ANK3: variants seen among roughly 807,000 people sequenced by gnomAD.
ANK3 encodes the protein ankyrin 3.
Under a neutral mutation model 370.9 loss-of-function variants are expected in ANK3, and 57 were observed. The ratio of observed to expected loss-of-function variants is 0.15; its 90% CI spans 0.12 to 0.19. ANK3 has a LOEUF of 0.19. Ranked by LOEUF, ANK3 falls within the 10% of genes least tolerant of loss-of-function variation. The pLI, the probability that ANK3 is intolerant of heterozygous loss-of-function variation, is 1.00. For synonymous variants in ANK3, 1,929 were observed against 1,946.3 expected (o/e 0.99, Z 0.23); for missense variants, 4,439 against 5,302.1 (o/e 0.84, Z 5.06).
At chr10:60,221,666 A>C (rs1462131128) in intron 8 of ANK3, among the ~76,000 whole-genome samples, 7 of 152,220 alleles carry the variant, frequency 4.6e-5, no homozygotes, top group Admixed American at 4.6e-4. Flanking sequence ...CAAAGAAGTG[A>C]AATTACTCAT....
intron 2 of ANK3, among the ~76,000 whole-genome samples, chr10:60,452,440 G>A (rs1335089725): frequency 6.6e-6 from 1 of 152,316 alleles, no homozygotes; most frequent in Admixed American, 6.5e-5. Context: ...CTGAGAAACT[G>A]TGCCTGGCCA....
At chr10:60,042,570 T>C in intron 43 of ANK3, 102 bp downstream of exon 43, 1 of 1,171,234 alleles carries the variant, frequency 8.5e-7, no homozygotes. Context: ...TGAAATTCAG[T>C]GAAAAGGAAA....
At chr10:60,117,225 C>T (rs2093159245) in intron 25 of ANK3, among the ~76,000 whole-genome samples, 1 of 152,022 alleles carries the variant, frequency 6.6e-6, no homozygotes, top group South Asian at 2.1e-4. Context: ...AGGACTGACC[C>T]AAGAAAAGGG....
intron 2 of ANK3, among the ~76,000 whole-genome samples, chr10:60,419,774 G>A (rs914395774): frequency 2.0e-5 from 3 of 152,052 alleles, no homozygotes; most frequent in African/African-American, 4.8e-5. Flanking sequence ...TTCAGGTGAG[G>A]CCACACTTTC....
intron 5 of ANK3, among the ~76,000 whole-genome samples, chr10:60,269,428 G>A (rs1458088920): frequency 2.0e-5 from 3 of 151,944 alleles, no homozygotes; most frequent in Non-Finnish European, 2.9e-5. Flanking sequence ...GGTGGATCAC[G>A]CGGTCAGGAG....
chr10:60,555,646 A>G lies in ANK3; in HGVS notation c.96+59540T>C, dbSNP rs61855349. 4.9e-3 allele frequency among the ~76,000 whole-genome samples: 752 copies of G among 152,246 alleles called. 4 individuals carry two copies. Among genetic ancestry groups the G allele is most frequent in the Non-Finnish European group, 8.7e-3 (589 of 68,002 alleles). ...CTGAATAGGTCATTCTAAATCTTCAATATTGTAGCATATGTCATGACTAGA... is the reference window on the plus strand; with the variant it reads ...CTGAATAGGTCATTCTAAATCTTCAGTATTGTAGCATATGTCATGACTAGA... On this transcript the variant is annotated intron_variant, in intron 2 of 43. Transcript: ENST00000373827.
intron 2 of ANK3, among the ~76,000 whole-genome samples, chr10:60,423,122 G>A (rs2063811363): frequency 6.6e-6 from 1 of 151,866 alleles, no homozygotes; most frequent in Non-Finnish European, 1.5e-5. Context: ...GACCCATAAG[G>A]AAGTAGTTTT....
chr10:60,256,675 A>G (rs2097741633), intron 7 of ANK3, among the ~76,000 whole-genome samples: 1 of 152,172 alleles, frequency 6.6e-6, no homozygotes, highest in South Asian at 2.1e-4. Context: ...CTTTATGTCC[A>G]TGAGTACCCC....
chr10:60,631,564 T>C (rs2078484360), intron 1 of ANK3, among the ~76,000 whole-genome samples: 1 of 151,950 alleles, frequency 6.6e-6, no homozygotes, highest in Non-Finnish European at 1.5e-5. Context: ...AAATAAATAG[T>C]TATTACTATT....
At chr10:60,705,824 C>T (rs201640820) in intron 1 of ANK3, among the ~76,000 whole-genome samples, 68 of 94,456 alleles carry the variant, frequency 7.2e-4, no homozygotes, top group Middle Eastern at 6.2e-3. Context: ...TTTTTTCTTT[C>T]TTTTTTTTTT....
chr10:60,318,023 T>C (rs567547882), intron 1 of ANK3, among the ~76,000 whole-genome samples: 2 of 152,256 alleles, frequency 1.3e-5, no homozygotes, highest in South Asian at 4.1e-4. Flanking sequence ...AATACACAAA[T>C]GCTCCAAAGA....
At chr10:60,705,596 C>T (rs1185008491) in intron 1 of ANK3, among the ~76,000 whole-genome samples, 1 of 152,092 alleles carries the variant, frequency 6.6e-6, no homozygotes, top group Non-Finnish European at 1.5e-5. Context: ...CGTTTCCTTA[C>T]TTAAAACTTA....
At chr10:60,058,692 G>A (rs1341193697) in intron 41 of ANK3, among the ~76,000 whole-genome samples, 1 of 152,138 alleles carries the variant, frequency 6.6e-6, no homozygotes, top group African/African-American at 2.4e-5. Flanking sequence ...GCATATTTAT[G>A]TTTGCAGTTA....
chr10:60,624,796 G>A (rs2078386448), intron 1 of ANK3, among the ~76,000 whole-genome samples: 1 of 151,452 alleles, frequency 6.6e-6, no homozygotes, highest in African/African-American at 2.4e-5. Flanking sequence ...AAACAAAAAT[G>A]GGTAGAGATC....
chr10:60,698,452 C>T (rs1426058423), intron 1 of ANK3, among the ~76,000 whole-genome samples: 3 of 151,260 alleles, frequency 2.0e-5, no homozygotes, highest in African/African-American at 2.4e-5. Flanking sequence ...CACATGCACA[C>T]GTATGTTTAT....
intron 2 of ANK3, among the ~76,000 whole-genome samples, chr10:60,570,758 C>G (rs184277444): frequency 2.6e-5 from 4 of 151,906 alleles, no homozygotes; most frequent in Admixed American, 2.6e-4. Flanking sequence ...AAGAAGGGCT[C>G]AAAGCAATTG....
intron 1 of ANK3, among the ~76,000 whole-genome samples, chr10:60,730,409 C>A (rs948911643): frequency 6.6e-6 from 1 of 152,134 alleles, no homozygotes. Context: ...CCTCGCATCT[C>A]GGCCTCCCAA....
At chr10:60,539,623 A>G (rs1387434690) in intron 2 of ANK3, among the ~76,000 whole-genome samples, 1 of 151,956 alleles carries the variant, frequency 6.6e-6, no homozygotes, top group Non-Finnish European at 1.5e-5. Context: ...ATCAAGAGGT[A>G]GTGAAATATA....
At chr10:60,230,703 A>G (rs2097227423) in intron 8 of ANK3, among the ~76,000 whole-genome samples, 1 of 152,176 alleles carries the variant, frequency 6.6e-6, no homozygotes, top group Non-Finnish European at 1.5e-5. Flanking sequence ...ATCCTGGCTA[A>G]CACGGTGAAA....
Sources: allele counts gnomAD v4.1 joint callset (sites outside exome capture counted in the v4.1 genomes callset), GRCh38; gene constraint gnomAD v4.1.1; transcripts MANE v1.5; gene names NCBI Gene and HGNC (gene_info 2026-07-23, HGNC 2026-07-21).